The following SSU72 variants were observed in gnomAD, a reference collection of about 807,000 sequenced individuals.
SSU72 encodes SSU72 homolog, RNA polymerase II CTD phosphatase.
In SSU72, 12 loss-of-function variants were observed where a neutral mutation model predicts 22.7. The observed-to-expected ratio is 0.53, with a 90% confidence interval of 0.34 to 0.86. The LOEUF is 0.86. Ranked by LOEUF, SSU72 falls within the 40% of genes least tolerant of loss-of-function variation. The pLI is 0.02. For missense variants in SSU72, 151 were observed against 249.8 expected (o/e 0.60, Z 2.67); for synonymous variants, 116 against 98.3 (o/e 1.18, Z -1.06).
rs537992557 is a variant in SSU72, at chr1:1,570,534, C to T, written c.80+3944G>A. ...CTGTGCTGTGAACCTGGGCACTCAG[C>T]GCCAATGCCACCAGTCTGTGAGTCT... On this transcript the variant is annotated intron_variant, in intron 1 of 4. Transcript: ENST00000291386. 1.5e-4 allele frequency among the ~76,000 whole-genome samples: 23 copies of T among 152,002 alleles called. No individual in the cohort carries two copies. In the East Asian group the frequency reaches 3.3e-3, roughly 22 times the overall value.
At chr1:1,543,252 C>T (rs1475942426) in intron 4 of SSU72, among the ~76,000 whole-genome samples, 2 of 152,212 alleles carry the variant, frequency 1.3e-5, no homozygotes, top group Admixed American at 1.3e-4. Flanking sequence ...GGGTGGACGG[C>T]GGACACAGAG....
At chr1:1,551,234 A>G (rs1004572639) in intron 2 of SSU72, among the ~76,000 whole-genome samples, 1 of 152,206 alleles carries the variant, frequency 6.6e-6, no homozygotes, top group Non-Finnish European at 1.5e-5. Context: ...CGGGAGGTAT[A>G]AATAGCACCA....
intron 2 of SSU72, among the ~76,000 whole-genome samples, chr1:1,555,004 C>T (rs1002719292): frequency 1.9e-4 from 29 of 152,322 alleles, no homozygotes; most frequent in African/African-American, 6.7e-4. Context: ...CTTCCCTGCA[C>T]GTATGACTCA....
At chr1:1,571,169 C>T (rs1389234455) in intron 1 of SSU72, among the ~76,000 whole-genome samples, 2 of 144,856 alleles carry the variant, frequency 1.4e-5, no homozygotes, top group Non-Finnish European at 3.0e-5. Flanking sequence ...GGCATGAACC[C>T]GGGAGGCGGA....
At chr1:1,572,877 T>TGGG (rs80340276) in intron 1 of SSU72, among the ~76,000 whole-genome samples, 46 of 83,696 alleles carry the variant, frequency 5.5e-4, no homozygotes, top group Non-Finnish European at 8.0e-4. Flanking sequence ...AATTTTGTCT[T>TGGG]GGGGGGGGGG....
chr1:1,571,647 G>A (rs1570402272), intron 1 of SSU72, among the ~76,000 whole-genome samples: 1 of 152,126 alleles, frequency 6.6e-6, no homozygotes, highest in Admixed American at 6.5e-5. Context: ...TCCTTTTCCA[G>A]AGACCACAGC....
rs1348832376 is a variant in SSU72, at chr1:1,546,903, A to ATGGG, written c.225-1902_225-1901insCCCA. Among the ~76,000 whole-genome samples the ATGGG allele has an allele frequency of 4.3e-4, 52 of 121,312 alleles. 1 individual carries two copies. Among genetic ancestry groups the ATGGG allele is most frequent in the Admixed American group, 1.3e-3 (11 of 8,236 alleles). The allele number at this position is 121,312 out of a possible 152,430, so 79.6% of individuals were successfully genotyped here. ...AAAAAAAGGCCGGGCGCGGTGGCTC[A>ATGGG]CACCTGTAATCCCAGCTACTCGGGA... On this transcript the variant is annotated intron_variant, in intron 2 of 4. Transcript: ENST00000291386.
chr1:1,564,475 C>T, intron 2 of SSU72: 1 of 1,474,522 alleles, frequency 6.8e-7, no homozygotes, highest in African/African-American at 1.4e-5. Flanking sequence ...TTTGTGGGTT[C>T]CACCTCCTCA....
chr1:1,574,409 G>C (rs981153048), intron 1 of SSU72, 69 bp downstream of exon 1: 9 of 1,504,570 alleles, frequency 6.0e-6, no homozygotes, highest in Non-Finnish European at 8.1e-6. Context: ...GCGGGCCAGG[G>C]GGAACCGGGG....
At chr1:1,572,877 T>C (rs1219561963) in intron 1 of SSU72, among the ~76,000 whole-genome samples, 1 of 83,670 alleles carries the variant, frequency 1.2e-5, no homozygotes, top group Non-Finnish European at 2.7e-5. Context: ...AATTTTGTCT[T>C]GGGGGGGGGG....
intron 1 of SSU72, among the ~76,000 whole-genome samples, chr1:1,572,752 C>T (rs1570403078): frequency 1.3e-5 from 2 of 151,388 alleles, no homozygotes; most frequent in Admixed American, 6.6e-5. Context: ...CCACTGCGCC[C>T]GGCCTACTCC....
intron 1 of SSU72, among the ~76,000 whole-genome samples, chr1:1,569,806 A>C (rs1233790924): frequency 6.6e-6 from 1 of 152,024 alleles, no homozygotes; most frequent in Non-Finnish European, 1.5e-5. Flanking sequence ...CCAGGCCCAA[A>C]ATTTTTAAAA....
In SSU72 at chr1:1,572,748, C is replaced by T. The variant is rs140061503; in HGVS notation, c.80+1730G>A. Among the ~76,000 whole-genome samples the T allele has an allele frequency of 7.9e-5, 12 of 151,494 alleles. No homozygotes were observed. The East Asian group carries it at 1.8e-3, about 23-fold the overall frequency. ...CTAGGATTACAGGTGTGAGCCACTG[C>T]GCCCGGCCTACTCCATCTTTGTTAT... On this transcript the variant is annotated intron_variant, in intron 1 of 4. Coordinates refer to ENST00000291386, the MANE Select transcript of SSU72 (RefSeq NM_014188.3).
intron 2 of SSU72, among the ~76,000 whole-genome samples, chr1:1,550,885 G>C (rs1642448092): frequency 6.6e-6 from 1 of 152,172 alleles, no homozygotes; most frequent in African/African-American, 2.4e-5. Context: ...CTGGGCCTGG[G>C]AGGTGCACAG....
At chr1:1,543,797 C>A (rs774775156) in intron 4 of SSU72, 72 bp downstream of exon 4, 6 of 1,306,220 alleles carry the variant, frequency 4.6e-6, no homozygotes, top group Non-Finnish European at 6.6e-6. Flanking sequence ...CGGCCACTCC[C>A]CTCTGTCACG....
intron 1 of SSU72, among the ~76,000 whole-genome samples, chr1:1,570,598 A>C (rs1183426708): frequency 6.6e-6 from 1 of 152,136 alleles, no homozygotes; most frequent in African/African-American, 2.4e-5. Context: ...GGACTGCCAA[A>C]TTCTCCCGTT....
chr1:1,541,894 C>G lies in SSU72; in HGVS notation c.*172G>C. On this transcript the variant is annotated 3_prime_UTR_variant, in exon 5 of 5. Coordinates refer to ENST00000291386, the MANE Select transcript of SSU72 (RefSeq NM_014188.3). Reference sequence around the variant, plus strand: ...ATAAGTAAAAGTGGAAAAGAAGAAACTTGATTGCTTTCATCTGGCGTTTTG... The same window carrying G: ...ATAAGTAAAAGTGGAAAAGAAGAAAGTTGATTGCTTTCATCTGGCGTTTTG... 1.7e-6 allele frequency: 1 copy of G among 596,762 alleles called. No individual in the cohort carries two copies. Among genetic ancestry groups the G allele is most frequent in the Admixed American group, 3.1e-5 (1 of 32,232 alleles). The allele number at this position is 596,762 out of a possible 1,614,324, so 37.0% of individuals were successfully genotyped here.
Position 1,541,939 on chromosome 1 carries a change from A to G in SSU72, c.*127T>C, listed in dbSNP as rs1000613929. On this transcript the variant is annotated 3_prime_UTR_variant, in exon 5 of 5. Transcript: ENST00000291386. Reference sequence around the variant, plus strand: ...GTTTTGGCATCTCCTCTCCCATTTCATATGCACAGTTTATTTGGGTAATGC... The same window carrying G: ...GTTTTGGCATCTCCTCTCCCATTTCGTATGCACAGTTTATTTGGGTAATGC... The G allele has an allele frequency of 1.2e-6, 1 of 837,696 alleles. No individual in the cohort carries two copies. The highest frequency in any genetic ancestry group is 1.9e-6 in the Non-Finnish European group (1 of 532,390). The allele number at this position is 837,696 out of a possible 1,614,324, so 51.9% of individuals were successfully genotyped here.
At chr1:1,563,548 AAAAAAAAAAAT>A (rs1642621945) in intron 2 of SSU72, 2 of 147,024 alleles carry the variant, frequency 1.4e-5, no homozygotes, top group Admixed American at 1.4e-4. Context: ...AAAAAAAAAA[AAAAAAAAAAAT>A]ACAAGAGTAG....
Sources: gnomAD v4.1 joint callset for allele counts (sites outside exome capture counted in the v4.1 genomes callset) on GRCh38, gnomAD v4.1.1 for gene constraint, MANE v1.5 for transcripts, NCBI Gene and HGNC (gene_info 2026-07-23, HGNC 2026-07-21) for gene names.